Variants in SOS1 observed in about 807,000 individuals in gnomAD.
SOS1 encodes son of sevenless homolog 1.
SOS1 carries 25 observed loss-of-function variants against 157.6 expected under a neutral mutation model. The ratio of observed to expected loss-of-function variants is 0.16; its 90% CI spans 0.12 to 0.22. The LOEUF (loss-of-function observed/expected upper bound fraction) is 0.22. SOS1 is among the 10% of genes least tolerant of loss of function. The probability of loss-of-function intolerance (pLI) is 1.00; values close to 1 mark genes in which losing one functional copy is unlikely to be tolerated. For synonymous variants in SOS1, 528 were observed against 534.0 expected (o/e 0.99, Z 0.16); for missense variants, 1,237 against 1,599.1 (o/e 0.77, Z 3.86).
At position 38,982,611 on chromosome 2, in the gene SOS1, GTTTC is replaced by G. The variant is rs1332680343; in HGVS notation, c.*3209_*3212del. ...ATACCAAGAAATAAATGGTTAAACT[GTTTC>G]TTTCTAAATCTGAAGGAACAAAAAG... On this transcript the variant is annotated 3_prime_UTR_variant, in exon 23 of 23. Transcript: ENST00000402219. The G allele has an allele frequency of 7.2e-5, 11 of 152,194 alleles. No individual in the cohort carries two copies. Among genetic ancestry groups the G allele is most frequent in the African/African-American group, 2.4e-4 (10 of 41,546 alleles). The allele number at this position is 152,194 out of a possible 1,614,324, so 9.4% of individuals were successfully genotyped here.
chr2:39,069,029 CAGTGTACAGGGAAAATTTTAT>C (rs1242507145), intron 1 of SOS1, among the ~76,000 whole-genome samples: 1 of 151,850 alleles, frequency 6.6e-6, no homozygotes, highest in Non-Finnish European at 1.5e-5. Context: ...GTGACAGCCT[CAGTGTACAGGGAAAATTTTAT>C]AAACAGTGTA....
At chr2:39,063,478 T>G (rs1671482057) in intron 2 of SOS1, among the ~76,000 whole-genome samples, 1 of 152,250 alleles carries the variant, frequency 6.6e-6, no homozygotes, top group South Asian at 2.1e-4. Context: ...CTCTACTTCC[T>G]TATTCATCTG....
chr2:39,017,666 A>G (rs7605138), intron 10 of SOS1, among the ~76,000 whole-genome samples: 3,293 of 152,168 alleles, frequency 0.022, 129 homozygotes, highest in African/African-American at 0.075. Flanking sequence ...TTCAAAAAAT[A>G]TCTTAAAGGC....
chr2:39,061,403 G>C (rs1484224209), intron 2 of SOS1, among the ~76,000 whole-genome samples: 3 of 151,796 alleles, frequency 2.0e-5, no homozygotes, highest in Non-Finnish European at 2.9e-5. Context: ...TTTATTTTGG[G>C]GGGGAACAGG....
chr2:38,999,652 T>C (rs762273972), intron 17 of SOS1, among the ~76,000 whole-genome samples: 3 of 152,226 alleles, frequency 2.0e-5, no homozygotes, highest in Non-Finnish European at 4.4e-5. Flanking sequence ...CCATTTATAC[T>C]GTCCTCTACA....
At chr2:39,079,258 G>A (rs975920618) in intron 1 of SOS1, among the ~76,000 whole-genome samples, 1 of 64,526 alleles carries the variant, frequency 1.5e-5, no homozygotes, top group African/African-American at 6.2e-5. Context: ...AACATAAAAT[G>A]GGGCAAAAAT....
intron 14 of SOS1, 56 bp from the exon 15 acceptor site, chr2:39,010,759 GT>G: frequency 7.3e-7 from 1 of 1,366,020 alleles, no homozygotes; most frequent in Non-Finnish European, 1.0e-6. Context: ...TATAGACATT[GT>G]TTTATTAAGT....
rs893718141 is a variant in SOS1, at chr2:38,985,542, G to C, written c.*282C>G. On this transcript the variant is annotated 3_prime_UTR_variant, in exon 23 of 23. Transcript: ENST00000402219. Reference sequence around the variant, plus strand: ...TTCACAAAAGATCACTTCACAAAAAGAGGACTCCTGCCTATTGGCCAGAAA... The same window carrying C: ...TTCACAAAAGATCACTTCACAAAAACAGGACTCCTGCCTATTGGCCAGAAA... The C allele has an allele frequency of 1.2e-5, 5 of 401,418 alleles. No homozygotes were observed. The Admixed American group carries it at 1.8e-4, about 14-fold the overall frequency. 24.9% of individuals were successfully genotyped at this position (401,418 alleles called of 1,614,324 possible). A position where few individuals can be genotyped will look rare whatever the true frequency, so the allele number is the denominator to read the frequency against.
At chr2:39,028,828 G>A (rs1670061365) in intron 8 of SOS1, among the ~76,000 whole-genome samples, 2 of 152,042 alleles carry the variant, frequency 1.3e-5, no homozygotes, top group African/African-American at 4.8e-5. Flanking sequence ...TCATCACAAC[G>A]TAACAGAACA....
intron 1 of SOS1, among the ~76,000 whole-genome samples, chr2:39,081,485 A>C (rs1413737086): frequency 6.6e-6 from 1 of 150,522 alleles, no homozygotes; most frequent in Non-Finnish European, 1.5e-5. Flanking sequence ...GCGCCACTGC[A>C]TTCTACCTTG....
intron 10 of SOS1, 114 bp downstream of exon 10, chr2:39,022,456 A>G (rs937816540): frequency 2.6e-6 from 2 of 780,292 alleles, no homozygotes; most frequent in African/African-American, 3.5e-5. Context: ...GTCAAAGAAA[A>G]GAGGTCTTTG....
At chr2:39,036,496 G>A (rs180934565) in intron 6 of SOS1, among the ~76,000 whole-genome samples, 5 of 152,172 alleles carry the variant, frequency 3.3e-5, no homozygotes, top group East Asian at 1.9e-4. Flanking sequence ...GACCACAGGC[G>A]CACACCACCG....
At chr2:39,044,209 T>G (rs763775791) in intron 6 of SOS1, among the ~76,000 whole-genome samples, 33 of 152,114 alleles carry the variant, frequency 2.2e-4, no homozygotes, top group Non-Finnish European at 4.3e-4. Flanking sequence ...ATATGAAGAT[T>G]AGCCAAAAGT....
At chr2:39,046,239 T>G (rs1670779399) in intron 6 of SOS1, among the ~76,000 whole-genome samples, 1 of 152,094 alleles carries the variant, frequency 6.6e-6, no homozygotes, top group Non-Finnish European at 1.5e-5. Context: ...ACAGGTAGTA[T>G]TTCTGTTCTT....
intron 10 of SOS1, among the ~76,000 whole-genome samples, chr2:39,015,740 G>C (rs1179202469): frequency 2.0e-5 from 3 of 151,798 alleles, no homozygotes; most frequent in Non-Finnish European, 2.9e-5. Context: ...CCCATAATAG[G>C]GGGGAGAAAT....
chr2:39,078,431 ATTCTAC>A (rs1369440815), intron 1 of SOS1, among the ~76,000 whole-genome samples: 2 of 152,176 alleles, frequency 1.3e-5, no homozygotes, highest in African/African-American at 2.4e-5. Context: ...TGATCCAGCA[ATTCTAC>A]TTCTAAGTAC....
chr2:39,036,765 C>T (rs1223214811), intron 6 of SOS1, among the ~76,000 whole-genome samples: 3 of 151,776 alleles, frequency 2.0e-5, no homozygotes, highest in African/African-American at 7.3e-5. Context: ...TTAGTAGAGA[C>T]AGGGTTTCAC....
At chr2:39,009,938 C>T (rs550470222) in intron 15 of SOS1, among the ~76,000 whole-genome samples, 2 of 152,216 alleles carry the variant, frequency 1.3e-5, no homozygotes, top group African/African-American at 2.4e-5. Context: ...TCAATATTTT[C>T]TAATGACAAA....
intron 17 of SOS1, among the ~76,000 whole-genome samples, chr2:39,005,203 T>G (rs1669246200): frequency 6.6e-6 from 1 of 152,218 alleles, no homozygotes; most frequent in African/African-American, 2.4e-5. Context: ...AATGTGGTCT[T>G]TCTCTCCCAA....
Sources: gnomAD v4.1 joint callset for allele counts (sites outside exome capture counted in the v4.1 genomes callset) on GRCh38, gnomAD v4.1.1 for gene constraint, MANE v1.5 for transcripts, NCBI Gene and HGNC (gene_info 2026-07-23, HGNC 2026-07-21) for gene names.